The following LRRN3 variants were observed in gnomAD, a reference collection of about 807,000 sequenced individuals.
The protein encoded by LRRN3 is leucine rich repeat neuronal 3, also known as leucine-rich repeat neuronal protein 3.
LRRN3 carries 15 observed loss-of-function variants against 40.1 expected under a neutral mutation model. The observed-to-expected ratio is 0.37, with a 90% CI of 0.25 to 0.58. The LOEUF is 0.58. Among genes scored for constraint, LRRN3 ranks in the 20% least tolerant of loss-of-function variants. The probability of loss-of-function intolerance (pLI) is 0.72; values close to 1 mark genes in which losing one functional copy is unlikely to be tolerated. For missense variants in LRRN3, 746 were observed against 837.7 expected (o/e 0.89, Z 1.35); for synonymous variants, 308 against 297.2 (o/e 1.04, Z -0.37).
intron 1 of LRRN3, among the ~76,000 whole-genome samples, chr7:111,098,512 T>A (rs942332849): frequency 1.3e-5 from 2 of 151,800 alleles, no homozygotes; most frequent in African/African-American, 4.8e-5. Context: ...CATAAATTAA[T>A]GTAAGCAGAG....
At chr7:111,116,776 C>T (rs1037362159) in intron 2 of LRRN3, among the ~76,000 whole-genome samples, 1 of 152,032 alleles carries the variant, frequency 6.6e-6, no homozygotes, top group Admixed American at 6.6e-5. Flanking sequence ...GAGAAACACC[C>T]AACAATAATA....
intron 1 of LRRN3, among the ~76,000 whole-genome samples, chr7:111,093,868 C>T (rs1410593334): frequency 6.6e-6 from 1 of 152,046 alleles, no homozygotes; most frequent in African/African-American, 2.4e-5. Context: ...TTCAAAGGAC[C>T]ATTTTTTTCA....
At chr7:111,101,033 T>A (rs1261918881) in intron 2 of LRRN3, among the ~76,000 whole-genome samples, 1 of 151,484 alleles carries the variant, frequency 6.6e-6, no homozygotes, top group Admixed American at 6.6e-5. Flanking sequence ...GAATGGTAAC[T>A]CCTCCTCCTT....
rs576035589 is a variant in LRRN3 at position 111,114,771 on chromosome 7, AG to A, written c.-358-7643del. ...AAAAAAAAGAAAGAAAGAAAAAAAA[AG>A]AAATACATTGAAACCATTTTGAGAA... On this transcript the variant is annotated intron_variant, in intron 2 of 2. Coordinates refer to ENST00000308478, the MANE Select transcript of LRRN3 (RefSeq NM_001099658.2). 3.5e-3 allele frequency among the ~76,000 whole-genome samples: 536 copies of A among 152,052 alleles called. 3 individuals carry two copies. The highest frequency in any genetic ancestry group is 0.01 in the Middle Eastern group (3 of 294).
intron 2 of LRRN3, among the ~76,000 whole-genome samples, chr7:111,106,701 C>T (rs1179885508): frequency 6.8e-6 from 1 of 146,018 alleles, no homozygotes; most frequent in Non-Finnish European, 1.5e-5. Context: ...TACTGTATAT[C>T]TAGGATGCAC....
chr7:111,122,926 A>G lies in LRRN3; in HGVS notation c.154A>G (p.Thr52Ala). Residue 52 changes from threonine to alanine, a missense_variant, in exon 3 of 3, where the codon ACA becomes GCA. Physicochemically the swap from Thr to Ala is moderately conservative, Grantham distance 58 (BLOSUM62 0). Transcript: ENST00000308478. ...CAGATCCATTTATATGGAAGCATCT[A>G]CAGTGGATTGTAATGATTTAGGTCT... ...TPRSIYMEASTVDCNDLGLLT... is the reference protein window; with the variant it reads ...TPRSIYMEASAVDCNDLGLLT... The G allele has an allele frequency of 1.9e-6, 3 of 1,614,074 alleles. No homozygotes were observed. The highest frequency in any genetic ancestry group is 2.5e-6 in the Non-Finnish European group (3 of 1,179,958).
At chr7:111,120,023 T>C (rs1272666746) in intron 2 of LRRN3, among the ~76,000 whole-genome samples, 5 of 151,958 alleles carry the variant, frequency 3.3e-5, no homozygotes, top group Non-Finnish European at 7.4e-5. Flanking sequence ...CCAGGCAGAG[T>C]GATGCAACCA....
In LRRN3 at chr7:111,123,615, C is replaced by T. The variant is rs61734054; in HGVS notation, c.843C>T (p.Ser281=). 255 of 1,613,284 alleles carry T rather than the reference C, an allele frequency of 1.6e-4. 1 individual carries two copies. The African/African-American group carries it at 3.0e-3, about 19-fold the overall frequency. Residue 281 remains serine, a synonymous_variant, in exon 3 of 3, where the codon AGC becomes AGT. Coordinates refer to ENST00000308478, the MANE Select transcript of LRRN3 (RefSeq NM_001099658.2). The surrounding 1 kb of genome is among the most constrained non-coding windows in gnomAD (Gnocchi z 6.4). ...PINRIRRGDF[S]NMLHLKELGI... ...ATAGAATACGAAGGGGTGATTTTAG[C>T]AATATGCTACACTTAAAAGAGTTGG... is the stretch of plus-strand genomic sequence containing the variant.
chr7:111,116,376 C>G (rs2129585658), intron 2 of LRRN3, among the ~76,000 whole-genome samples: 1 of 152,042 alleles, frequency 6.6e-6, no homozygotes, highest in East Asian at 1.9e-4. Context: ...TTGAAAATCT[C>G]AAAATATCAG....
intron 1 of LRRN3, among the ~76,000 whole-genome samples, chr7:111,096,693 G>A (rs528720656): frequency 4.6e-5 from 7 of 151,830 alleles, no homozygotes; most frequent in Middle Eastern, 3.4e-3. Context: ...GGATTTTCCA[G>A]GTTACTAAAA....
chr7:111,101,161 G>A (rs565306830), intron 2 of LRRN3, among the ~76,000 whole-genome samples: 1 of 151,308 alleles, frequency 6.6e-6, no homozygotes, highest in African/African-American at 2.4e-5. Context: ...TGCTGCTCTG[G>A]ATTTTACTTG....
intron 2 of LRRN3, among the ~76,000 whole-genome samples, chr7:111,120,470 C>T (rs1800458968): frequency 6.6e-6 from 1 of 152,152 alleles, no homozygotes; most frequent in African/African-American, 2.4e-5. Context: ...ATTTAATTAT[C>T]TCCCACCAGG....
At chr7:111,094,542 A>T (rs2129578406) in intron 1 of LRRN3, among the ~76,000 whole-genome samples, 1 of 152,268 alleles carries the variant, frequency 6.6e-6, no homozygotes, top group African/African-American at 2.4e-5. Context: ...GGTACATGAA[A>T]CTAAATAAAG....
intron 2 of LRRN3, among the ~76,000 whole-genome samples, chr7:111,119,076 A>C (rs1800256147): frequency 6.6e-6 from 1 of 152,186 alleles, no homozygotes; most frequent in African/African-American, 2.4e-5. Flanking sequence ...TAATATTTCC[A>C]AACCTCTAGT....
At chr7:111,119,377 G>C (rs889426943) in intron 2 of LRRN3, among the ~76,000 whole-genome samples, 7 of 152,126 alleles carry the variant, frequency 4.6e-5, no homozygotes, top group Non-Finnish European at 1.0e-4. Flanking sequence ...TTTTACTAAA[G>C]AAATCAACCA....
At chr7:111,096,255 G>A (rs1797385497) in intron 1 of LRRN3, among the ~76,000 whole-genome samples, 1 of 151,898 alleles carries the variant, frequency 6.6e-6, no homozygotes, top group Admixed American at 6.6e-5. Flanking sequence ...TTAGAGACTT[G>A]CTAGCATGTT....
At position 111,123,699 on chromosome 7, in the gene LRRN3, A is replaced by T. The variant is rs562452787; in HGVS notation, c.927A>T (p.Pro309=). The T allele has an allele frequency of 6.2e-7, 1 of 1,613,934 alleles. No individual in the cohort carries two copies. The highest frequency in any genetic ancestry group is 8.5e-7 in the Non-Finnish European group (1 of 1,179,934). The change falls in exon 3 of 3, where the codon CCA becomes CCT. Residue 309 remains proline (P), a synonymous_variant. Coordinates refer to ENST00000308478, the MANE Select transcript of LRRN3 (RefSeq NM_001099658.2). This position sits in a 1 kb window ranked among gnomAD's most constrained non-coding sequence, Gnocchi z 6.4. ...SIDSLAVDNL[P]DLRKIEATNN... ...ATAGTCTTGCTGTGGATAACCTGCC[A>T]GATTTAAGAAAAATAGAAGCTACTA...
chr7:111,093,867 C>A (rs1438958816), intron 1 of LRRN3, among the ~76,000 whole-genome samples: 3 of 152,054 alleles, frequency 2.0e-5, no homozygotes, highest in South Asian at 2.1e-4. Context: ...ATTCAAAGGA[C>A]CATTTTTTTC....
chr7:111,123,528 C>T lies in LRRN3; in HGVS notation c.756C>T (p.Pro252=), dbSNP rs780719826. ...ACGATAACAGGCTTATTAAAGTACC[C>T]CATGTTGCTCTTCAAAAAGTTGTAA... ...SFYDNRLIKV[P]HVALQKVVNL... The change falls in exon 3 of 3, where the codon CCC becomes CCT. Residue 252 remains proline (P), a synonymous_variant. Transcript: ENST00000308478. The surrounding 1 kb of genome is among the most constrained non-coding windows in gnomAD (Gnocchi z 6.4). 2 of 1,613,772 alleles carry T rather than the reference C, an allele frequency of 1.2e-6. No individual in the cohort carries two copies. The highest frequency in any genetic ancestry group is 4.5e-5 in the East Asian group (2 of 44,842).
Sources: gnomAD v4.1 joint callset for allele counts (sites outside exome capture counted in the v4.1 genomes callset) on GRCh38, gnomAD v4.1.1 for gene constraint, Gnocchi (gnomAD v3.1) non-coding constraint, MANE v1.5 for transcripts, NCBI Gene and HGNC (gene_info 2026-07-23, HGNC 2026-07-21) for gene names.